The following ABCG2 variants were observed in gnomAD, a reference collection of about 807,000 sequenced individuals.
ABCG2 encodes the protein ATP binding cassette subfamily G member 2 (JR blood group).
Under a neutral mutation model 73.5 loss-of-function variants are expected in ABCG2, and 80 were observed. That is an observed-to-expected ratio of 1.09 (90% CI 0.91 to 1.31). The LOEUF (loss-of-function observed/expected upper bound fraction) is 1.31. Among genes scored for constraint, ABCG2 ranks in the 50% most tolerant of loss-of-function variants. ABCG2 has a pLI of 0.00. For missense variants in ABCG2, 796 were observed against 786.2 expected (o/e 1.01, Z -0.15); for synonymous variants, 269 against 282.4 (o/e 0.95, Z 0.48).
intron 15 of ABCG2, 69 bp downstream of exon 15, chr4:88,094,508 G>T: frequency 7.3e-7 from 1 of 1,363,454 alleles, no homozygotes; most frequent in Non-Finnish European, 1.0e-6. Context: ...ACAGATCTAA[G>T]CCCAGTAGCC....
intron 1 of ABCG2, among the ~76,000 whole-genome samples, chr4:88,149,388 G>A (rs1027873174): frequency 2.0e-5 from 3 of 152,090 alleles, no homozygotes; most frequent in African/African-American, 7.2e-5. Flanking sequence ...CTGCAATTTG[G>A]CCAGCAGTTT....
chr4:88,094,440 A>G, intron 15 of ABCG2, 137 bp downstream of exon 15: 1 of 662,470 alleles, frequency 1.5e-6, no homozygotes, highest in South Asian at 2.1e-5. Flanking sequence ...CGCACAACTC[A>G]CTTTATGGAT....
intron 7 of ABCG2, among the ~76,000 whole-genome samples, chr4:88,116,987 C>T (rs540416501): frequency 2.0e-5 from 3 of 152,164 alleles, no homozygotes; most frequent in Non-Finnish European, 2.9e-5. Context: ...CTCTATTGAC[C>T]GATACCCACT....
Position 88,152,879 on chromosome 4 carries a change from A to G in ABCG2, c.-20+5507T>C, listed in dbSNP as rs370542025. On this transcript the variant is annotated intron_variant, in intron 1 of 15. Coordinates refer to ENST00000237612, the MANE Select transcript of ABCG2 (RefSeq NM_004827.3). ...GGATTAGGGGCGGCGTGGGAACCTAAAGTGGGAGAGATTAAGCTGAAGGAA... is the reference window on the plus strand; with the variant it reads ...GGATTAGGGGCGGCGTGGGAACCTAGAGTGGGAGAGATTAAGCTGAAGGAA... Among the ~76,000 whole-genome samples the G allele has an allele frequency of 7.4e-3, 1,121 of 152,256 alleles. 12 individuals carry two copies. Among genetic ancestry groups the G allele is most frequent in the South Asian group, 0.029 (138 of 4,822 alleles).
chr4:88,157,993 T>G (rs185864634), intron 1 of ABCG2, among the ~76,000 whole-genome samples: 1 of 152,340 alleles, frequency 6.6e-6, no homozygotes, highest in East Asian at 1.9e-4. Context: ...CAATTGTCAT[T>G]GACCAATTCC....
chr4:88,229,054 G>T (rs4693940), intron 1 of ABCG2, among the ~76,000 whole-genome samples: 3 of 152,186 alleles, frequency 2.0e-5, no homozygotes, highest in Non-Finnish European at 4.4e-5. Context: ...AGTGGCAACC[G>T]CTTGGGTCCC....
chr4:88,153,399 C>A lies in ABCG2; in HGVS notation c.-20+4987G>T, dbSNP rs190206022. On this transcript the variant is annotated intron_variant, in intron 1 of 15. Coordinates refer to ENST00000237612, the MANE Select transcript of ABCG2 (RefSeq NM_004827.3). ...GGAGCTCAAATGGGCTGTATTTTGT[C>A]GCATTCCGAAGACAGGCCCGAATTC... Among the ~76,000 whole-genome samples, 563 of 152,078 alleles carry A rather than the reference C, an allele frequency of 3.7e-3. 3 individuals carry two copies. The highest frequency in any genetic ancestry group is 0.013 in the African/African-American group (530 of 41,510).
intron 1 of ABCG2, among the ~76,000 whole-genome samples, chr4:88,170,736 A>G (rs961401858): frequency 6.6e-6 from 1 of 152,258 alleles, no homozygotes; most frequent in African/African-American, 2.4e-5. Flanking sequence ...ACTCTTTATC[A>G]TACCTCACTC....
At chr4:88,149,965 G>A (rs1726337198) in intron 1 of ABCG2, among the ~76,000 whole-genome samples, 1 of 152,000 alleles carries the variant, frequency 6.6e-6, no homozygotes, top group Non-Finnish European at 1.5e-5. Flanking sequence ...CCTCAGTGAG[G>A]TTACATATGA....
chr4:88,189,950 T>C (rs1336939170), intron 1 of ABCG2, among the ~76,000 whole-genome samples: 1 of 152,172 alleles, frequency 6.6e-6, no homozygotes, highest in Non-Finnish European at 1.5e-5. Flanking sequence ...GAACAGTACA[T>C]TGTTAATGAA....
intron 1 of ABCG2, among the ~76,000 whole-genome samples, chr4:88,213,361 T>C (rs1729677568): frequency 6.6e-6 from 1 of 152,162 alleles, no homozygotes; most frequent in Admixed American, 6.6e-5. Context: ...CATTCTCAGA[T>C]GATAACCTTA....
chr4:88,137,395 A>G (rs1398027549), intron 2 of ABCG2, among the ~76,000 whole-genome samples: 2 of 152,230 alleles, frequency 1.3e-5, no homozygotes. Context: ...ATCTCTCCTC[A>G]TAACACTAAT....
intron 1 of ABCG2, among the ~76,000 whole-genome samples, chr4:88,166,712 T>A (rs1727535380): frequency 1.3e-5 from 2 of 152,126 alleles, no homozygotes; most frequent in South Asian, 4.2e-4. Flanking sequence ...TTAGATAAAT[T>A]CTAGGGTACA....
rs1725518703 is a variant in ABCG2, at chr4:88,139,988, G to C, written c.8C>G (p.Ser3Cys). The C allele has an allele frequency of 1.2e-6, 2 of 1,613,910 alleles. No homozygotes were observed. The highest frequency in any genetic ancestry group is 4.5e-5 in the East Asian group (2 of 44,882). The change falls in exon 2 of 16, where the codon TCC becomes TGC. Residue 3 changes from serine to cysteine, a missense_variant. Physicochemically the swap from Ser to Cys is moderately radical, Grantham distance 112. Coordinates refer to ENST00000237612, the MANE Select transcript of ABCG2 (RefSeq NM_004827.3). ...TGGGATAAAAACTTCGACATTACTGGAAGACATCTGGAGAGTTTTTATCTT... is the reference window on the plus strand; with the variant it reads ...TGGGATAAAAACTTCGACATTACTGCAAGACATCTGGAGAGTTTTTATCTT... The part of the protein sequence containing the change: MS[S>C]SNVEVFIPVS...
At chr4:88,197,175 C>T (rs1728969146) in intron 1 of ABCG2, among the ~76,000 whole-genome samples, 3 of 136,504 alleles carry the variant, frequency 2.2e-5, no homozygotes, top group African/African-American at 2.8e-5. Flanking sequence ...TTACCCAGTA[C>T]ATCATGTCTG....
chr4:88,151,458 G>A (rs745893293), intron 1 of ABCG2, among the ~76,000 whole-genome samples: 3 of 152,218 alleles, frequency 2.0e-5, no homozygotes, highest in Non-Finnish European at 4.4e-5. Context: ...ATGAACAGAG[G>A]CTGGGTGCAG....
Position 88,113,827 on chromosome 4 carries a change from G to C in ABCG2, c.944-274C>G, listed in dbSNP as rs554199371. Among the ~76,000 whole-genome samples, 74 of 152,066 alleles carry C rather than the reference G, an allele frequency of 4.9e-4. 1 individual carries two copies. The highest frequency in any genetic ancestry group is 3.4e-3 in the Middle Eastern group (1 of 294). ...AATACAAAAAAAATTAGCCTGGCGT[G>C]GTGGTGCGTGCCTGTAATCCCAGCC... is the stretch of plus-strand genomic sequence containing the variant. On this transcript the variant is annotated intron_variant, in intron 8 of 15. Coordinates refer to ENST00000237612, the MANE Select transcript of ABCG2 (RefSeq NM_004827.3).
intron 1 of ABCG2, among the ~76,000 whole-genome samples, chr4:88,205,721 C>T: frequency 6.6e-6 from 1 of 152,062 alleles, no homozygotes; most frequent in Non-Finnish European, 1.5e-5. Context: ...CTTGCTCTGT[C>T]GCCCAGGCTG....
intron 1 of ABCG2, among the ~76,000 whole-genome samples, chr4:88,195,183 G>A (rs1183873060): frequency 6.6e-6 from 1 of 152,144 alleles, no homozygotes; most frequent in Admixed American, 6.5e-5. Context: ...GCAGTGAGCT[G>A]TGATGGCACC....
Sources: gnomAD v4.1 joint callset for allele counts (sites outside exome capture counted in the v4.1 genomes callset) on GRCh38, gnomAD v4.1.1 for gene constraint, MANE v1.5 for transcripts, NCBI Gene and HGNC (gene_info 2026-07-23, HGNC 2026-07-21) for gene names.